Variants in AGFG1 observed in about 807,000 individuals in gnomAD.
AGFG1 encodes arf-GAP domain and FG repeat-containing protein 1.
Under a neutral mutation model 60.6 loss-of-function variants are expected in AGFG1, and 10 were observed. The observed-to-expected ratio is 0.16, with a 90% CI of 0.10 to 0.28. The LOEUF is 0.28. AGFG1 is among the 10% of genes least tolerant of loss of function. The pLI is 1.00. For missense variants in AGFG1, 537 were observed against 676.5 expected, an observed-to-expected ratio of 0.79 and a Z score of 2.29; for synonymous variants, 247 against 242.9, an observed-to-expected ratio of 1.02 and a Z score of -0.16.
In AGFG1 at chr2:227,557,501, A is replaced by G. The variant is rs1290352473; in HGVS notation, c.*3006A>G. 1.3e-5 allele frequency: 2 copies of G among 152,138 alleles called. No individual in the cohort carries two copies. The highest frequency in any genetic ancestry group is 4.8e-5 in the African/African-American group (2 of 41,430). The allele number at this position is 152,138 out of a possible 1,614,324, so 9.4% of individuals were successfully genotyped here. On this transcript the variant is annotated 3_prime_UTR_variant, in exon 13 of 13. Coordinates refer to ENST00000310078, the MANE Select transcript of AGFG1 (RefSeq NM_004504.5). ...ATCTCTGGAGCATTTTAGTTTCAGA[A>G]CCTTAACACTCCCCAACAGCTTTGT...
In AGFG1 at chr2:227,533,763, C is replaced by G; in HGVS notation, c.1024+5C>G. 5 of 1,612,022 alleles carry G rather than the reference C, an allele frequency of 3.1e-6. No homozygotes were observed. Among genetic ancestry groups the G allele is most frequent in the Non-Finnish European group, 4.2e-6 (5 of 1,178,696 alleles). ...ATATCTTCAGTGCCGGGCAAGGTAT[C>G]AAGCTTTAAGCAAAACAAATACAAA... is the stretch of plus-strand genomic sequence containing the variant. On this transcript the variant is annotated splice_donor_5th_base_variant and intron_variant, in intron 7 of 12. Coordinates refer to ENST00000310078, the MANE Select transcript of AGFG1 (RefSeq NM_004504.5).
chr2:227,474,301 C>T (rs1377426782), intron 1 of AGFG1, among the ~76,000 whole-genome samples: 3 of 152,242 alleles, frequency 2.0e-5, no homozygotes, highest in African/African-American at 7.2e-5. Context: ...AAACACAGGT[C>T]CTTTAATCCA....
intron 1 of AGFG1, among the ~76,000 whole-genome samples, chr2:227,479,171 A>G (rs1362858465): frequency 6.6e-6 from 1 of 152,214 alleles, no homozygotes; most frequent in Non-Finnish European, 1.5e-5. Flanking sequence ...CAAATTGGAT[A>G]AGAAGGACTC....
At chr2:227,494,864 A>G (rs1294235754) in intron 2 of AGFG1, among the ~76,000 whole-genome samples, 1 of 152,250 alleles carries the variant, frequency 6.6e-6, no homozygotes, top group Admixed American at 6.5e-5. Context: ...CATGGATACA[A>G]TCACACAACT....
intron 5 of AGFG1, among the ~76,000 whole-genome samples, chr2:227,526,519 T>G (rs1314823321): frequency 6.7e-6 from 1 of 148,576 alleles, no homozygotes; most frequent in East Asian, 2.0e-4. Context: ...ATTACAGGCA[T>G]GAGCCACTGT....
chr2:227,513,106 C>T (rs1202528623), intron 2 of AGFG1, among the ~76,000 whole-genome samples: 3 of 152,156 alleles, frequency 2.0e-5, no homozygotes, highest in Non-Finnish European at 4.4e-5. Context: ...AATTTGCTGT[C>T]CCCCTCAAGG....
At chr2:227,484,386 C>G (rs1690557275) in intron 1 of AGFG1, among the ~76,000 whole-genome samples, 1 of 151,988 alleles carries the variant, frequency 6.6e-6, no homozygotes, top group African/African-American at 2.4e-5. Context: ...GAGTTTTAAC[C>G]ATGTTGGCCA....
Position 227,556,134 on chromosome 2 carries a change from A to G in AGFG1, c.*1639A>G, listed in dbSNP as rs759020154. 6.6e-6 allele frequency: 1 copy of G among 152,250 alleles called. No homozygotes were observed. Among genetic ancestry groups the G allele is most frequent in the Non-Finnish European group, 1.5e-5 (1 of 68,036 alleles). 9.4% of individuals were successfully genotyped at this position (152,250 alleles called of 1,614,324 possible). ...AATTGCATACACAGATATGTAGTAC[A>G]TATTTTAAAAGTTTTATCTTAAATT... On this transcript the variant is annotated 3_prime_UTR_variant, in exon 13 of 13. Coordinates refer to ENST00000310078, the MANE Select transcript of AGFG1 (RefSeq NM_004504.5).
At chr2:227,508,735 A>G (rs1414286601) in intron 2 of AGFG1, 2 of 421,932 alleles carry the variant, frequency 4.7e-6, no homozygotes, top group African/African-American at 4.2e-5. Context: ...CTCATCCAAA[A>G]GAACAGAAAA....
intron 10 of AGFG1, among the ~76,000 whole-genome samples, chr2:227,550,882 G>C (rs1692798809): frequency 6.6e-6 from 1 of 152,078 alleles, no homozygotes; most frequent in African/African-American, 2.4e-5. Context: ...ATTGCATCAT[G>C]CTAAGAATAT....
At position 227,524,778 on chromosome 2, in the gene AGFG1, G is replaced by A. The variant is rs142029380; in HGVS notation, c.557G>A (p.Arg186His). The change falls in exon 5 of 13, where the codon CGT becomes CAT. Residue 186 changes from arginine to histidine, a missense_variant. Around this residue, in one of 4 missense-constraint regions of AGFG1, gnomAD observed 102 missense variants for 82.9 expected, o/e 1.23. Coordinates refer to ENST00000310078, the MANE Select transcript of AGFG1 (RefSeq NM_004504.5). ...GTPSQSPVVG[R>H]SQGQQQEKKQ... ...GGTTTGTAGTCCCCAGTTGTAGGTC[G>A]TTCTCAAGGGCAGCAGCAGGAGAAG... is the stretch of plus-strand genomic sequence containing the variant. 8 of 1,613,982 alleles carry A rather than the reference G, an allele frequency of 5.0e-6. No individual in the cohort carries two copies. Among genetic ancestry groups the A allele is most frequent in the South Asian group, 3.3e-5 (3 of 91,088 alleles).
At chr2:227,484,705 T>TGG (rs1690573879) in intron 1 of AGFG1, among the ~76,000 whole-genome samples, 1 of 101,388 alleles carries the variant, frequency 9.9e-6, no homozygotes, top group Non-Finnish European at 2.1e-5. Context: ...TTTTTTTTTT[T>TGG]TTTTTTTTTT....
chr2:227,540,023 A>T (rs1272739689), intron 10 of AGFG1, among the ~76,000 whole-genome samples: 2 of 151,816 alleles, frequency 1.3e-5, no homozygotes, highest in African/African-American at 2.4e-5. Flanking sequence ...TTTAGTAGAG[A>T]TGGGGTTTTG....
chr2:227,481,187 G>A (rs1690450521), intron 1 of AGFG1, among the ~76,000 whole-genome samples: 1 of 145,650 alleles, frequency 6.9e-6, no homozygotes, highest in Non-Finnish European at 1.5e-5. Context: ...TTCTTTTTTG[G>A]GGAATATAAA....
intron 10 of AGFG1, among the ~76,000 whole-genome samples, chr2:227,539,598 A>G (rs1272532202): frequency 1.3e-5 from 2 of 151,942 alleles, no homozygotes; most frequent in Non-Finnish European, 2.9e-5. Flanking sequence ...TCTACAAAAA[A>G]TAAATGGTGG....
intron 2 of AGFG1, 35 bp downstream of exon 2, chr2:227,491,675 CT>C (rs775926396): frequency 2.3e-6 from 3 of 1,315,932 alleles, no homozygotes; most frequent in Non-Finnish European, 3.1e-6. Flanking sequence ...CAATTTTTGA[CT>C]TTTTTGTTGG....
At chr2:227,473,188 T>G (rs934622999) in intron 1 of AGFG1, among the ~76,000 whole-genome samples, 1 of 152,070 alleles carries the variant, frequency 6.6e-6, no homozygotes, top group East Asian at 1.9e-4. Context: ...CACTTAGGAA[T>G]AGTAGCAGGA....
intron 1 of AGFG1, among the ~76,000 whole-genome samples, chr2:227,475,783 C>T (rs192812761): frequency 6.6e-6 from 1 of 152,198 alleles, no homozygotes; most frequent in East Asian, 1.9e-4. Context: ...TAAGAGGATT[C>T]AATGATACAC....
intron 1 of AGFG1, among the ~76,000 whole-genome samples, chr2:227,479,304 C>A (rs1342513528): frequency 6.6e-6 from 1 of 152,082 alleles, no homozygotes; most frequent in South Asian, 2.1e-4. Flanking sequence ...TTTTCTGTTC[C>A]CTATTCATTC....
Sources: gnomAD v4.1 joint callset for allele counts (sites outside exome capture counted in the v4.1 genomes callset) on GRCh38, gnomAD v4.1.1 for gene constraint, gnomAD v4.1.1 regional missense constraint, MANE v1.5 for transcripts, NCBI Gene and HGNC (gene_info 2026-07-23, HGNC 2026-07-21) for gene names.